Variants in MEGF6 observed in about 807,000 individuals in gnomAD.
MEGF6 encodes the protein multiple EGF like domains 6.
A neutral mutation model predicts 207.1 loss-of-function variants in MEGF6; 184 were observed. The observed-to-expected ratio is 0.89, with a 90% CI of 0.79 to 1.00. MEGF6 has a LOEUF of 1.00. MEGF6 is among the 50% of genes least tolerant of loss of function. The probability of loss-of-function intolerance (pLI) is 0.00; values close to 1 mark genes in which losing one functional copy is unlikely to be tolerated. For missense variants in MEGF6, 2,282 were observed against 2,202.9 expected, an observed-to-expected ratio of 1.04 and a Z score of -0.72; for synonymous variants, 1,038 against 910.0, an observed-to-expected ratio of 1.14 and a Z score of -2.53.
intron 18 of MEGF6, among the ~76,000 whole-genome samples, chr1:3,501,556 T>TA (rs1312841599): frequency 6.6e-6 from 1 of 151,850 alleles, no homozygotes; most frequent in Non-Finnish European, 1.5e-5. Context: ...CCGAGCCCGT[T>TA]AGAGATGGAG....
At chr1:3,602,243 T>G (rs558744530) in intron 2 of MEGF6, among the ~76,000 whole-genome samples, 1 of 152,130 alleles carries the variant, frequency 6.6e-6, no homozygotes, top group Non-Finnish European at 1.5e-5. Flanking sequence ...AGGACTCAGG[T>G]GCTCGGCTAA....
intron 4 of MEGF6, among the ~76,000 whole-genome samples, chr1:3,538,627 GC>G (rs1642404430): frequency 6.6e-6 from 1 of 152,046 alleles, no homozygotes; most frequent in African/African-American, 2.4e-5. Context: ...GACTCCCAGA[GC>G]AGCCCCCGAG....
intron 3 of MEGF6, among the ~76,000 whole-genome samples, chr1:3,592,532 G>A (rs1018688084): frequency 1.3e-5 from 2 of 152,062 alleles, no homozygotes; most frequent in African/African-American, 4.8e-5. Context: ...GCAAGCACCC[G>A]CTGCCAGGGT....
intron 4 of MEGF6, among the ~76,000 whole-genome samples, chr1:3,558,489 G>T (rs1453386210): frequency 1.3e-5 from 2 of 152,160 alleles, no homozygotes; most frequent in African/African-American, 4.8e-5. Flanking sequence ...GTCATAAGTT[G>T]TAAGGTTGTA....
intron 21 of MEGF6, 125 bp from the exon 22 acceptor site, chr1:3,500,049 C>A: frequency 7.3e-7 from 1 of 1,361,570 alleles, no homozygotes; most frequent in Non-Finnish European, 9.7e-7. Flanking sequence ...CCCCTTCCTG[C>A]CCAAGGGAGA....
intron 4 of MEGF6, among the ~76,000 whole-genome samples, chr1:3,554,391 C>G (rs1015916504): frequency 1.3e-5 from 2 of 151,970 alleles, no homozygotes; most frequent in African/African-American, 4.8e-5. Context: ...GGGAGGGGGA[C>G]GGCACTCCAG....
upstream of MEGF6, among the ~76,000 whole-genome samples, chr1:3,616,062 C>T (rs745442583): frequency 3.3e-5 from 5 of 152,166 alleles, no homozygotes; most frequent in Non-Finnish European, 5.9e-5. Context: ...GGAGAAATAA[C>T]GTAGGGAGAA....
chr1:3,492,485 C>G (rs970954793), intron 35 of MEGF6, among the ~76,000 whole-genome samples, 154 bp downstream of exon 35: 1 of 152,172 alleles, frequency 6.6e-6, no homozygotes, highest in African/African-American at 2.4e-5. Flanking sequence ...CTCTGGGTAC[C>G]GGGTGGGGAC....
rs1643037555 is a variant in MEGF6 at position 3,556,594 on chromosome 1, G to A, written c.481+23231C>T. Among the ~76,000 whole-genome samples, 1 of 152,140 alleles carries A rather than the reference G, an allele frequency of 6.6e-6. No homozygotes were observed. On this transcript the variant is annotated intron_variant, in intron 4 of 36. Coordinates refer to ENST00000356575, the MANE Select transcript of MEGF6 (RefSeq NM_001409.4). This position sits in a 1 kb window ranked among gnomAD's most constrained non-coding sequence, Gnocchi z 4.4. ...CAGCGGAACTACCTGCAAATGAGAGGACAGAGGACCCGGTGACTGCCTGAG... is the reference window on the plus strand; with the variant it reads ...CAGCGGAACTACCTGCAAATGAGAGAACAGAGGACCCGGTGACTGCCTGAG...
chr1:3,512,087 C>A lies in MEGF6; in HGVS notation c.895G>T (p.Gly299Cys). 1 of 1,612,152 alleles carries A rather than the reference C, an allele frequency of 6.2e-7. No homozygotes were observed. Reference sequence around the variant, plus strand: ...AAGGACCCCTGGGTGTTGAGGCAGCCATGGGCACACTGGGCCAGCCCTGCG... The same window carrying A: ...AAGGACCCCTGGGTGTTGAGGCAGCAATGGGCACACTGGGCCAGCCCTGCG... ...CAAGLAQCAHGCLNTQGSFKC... is the reference protein window; with the variant it reads ...CAAGLAQCAHCCLNTQGSFKC... Residue 299 changes from glycine (G) to cysteine (C), a missense_variant, in exon 8 of 37, where the codon GGC (glycine) becomes TGC (cysteine). Gly to Cys is a radical substitution (Grantham distance 159, BLOSUM62 -3). Transcript: ENST00000356575.
At position 3,556,105 on chromosome 1, in the gene MEGF6, C is replaced by T. The variant is rs1643024459; in HGVS notation, c.481+23720G>A. Among the ~76,000 whole-genome samples, 1 of 152,218 alleles carries T rather than the reference C, an allele frequency of 6.6e-6. No individual in the cohort carries two copies. The highest frequency in any genetic ancestry group is 1.5e-5 in the Non-Finnish European group (1 of 68,042). On this transcript the variant is annotated intron_variant, in intron 4 of 36. Coordinates refer to ENST00000356575, the MANE Select transcript of MEGF6 (RefSeq NM_001409.4). The surrounding 1 kb of genome is among the most constrained non-coding windows in gnomAD (Gnocchi z 4.4). ...GTTCAGAGACCTTGGGGGTGGGCTC[C>T]ACCTGTTACAGCAGGAGTGGCCTTC...
At chr1:3,523,180 AG>A (rs1378543773) in intron 5 of MEGF6, among the ~76,000 whole-genome samples, 1 of 152,064 alleles carries the variant, frequency 6.6e-6, no homozygotes, top group Non-Finnish European at 1.5e-5. Flanking sequence ...CCTCCAAGGC[AG>A]GAAGAAGGGG....
At chr1:3,580,026 C>A in intron 3 of MEGF6, 97 bp from the exon 4 acceptor site, 1 of 806,762 alleles carries the variant, frequency 1.2e-6, no homozygotes. Flanking sequence ...GCCCACCCAG[C>A]CTGCCAGGTC....
intron 18 of MEGF6, 95 bp downstream of exon 18, chr1:3,501,701 G>A: frequency 2.0e-6 from 3 of 1,474,352 alleles, no homozygotes; most frequent in Non-Finnish European, 2.7e-6. Flanking sequence ...ACGGGCCTGG[G>A]ATCCGCAGGG....
the MEGF6 span, among the ~76,000 whole-genome samples, chr1:3,622,194 C>G: frequency 2.6e-5 from 4 of 152,214 alleles, no homozygotes; most frequent in African/African-American, 9.6e-5. Flanking sequence ...AATCTCATCT[C>G]GAATTGTAAT....
intron 35 of MEGF6, among the ~76,000 whole-genome samples, chr1:3,491,402 C>T (rs1640358681): frequency 6.6e-6 from 1 of 152,128 alleles, no homozygotes; most frequent in African/African-American, 2.4e-5. Context: ...CCACTAGATG[C>T]CGCTGCCGGG....
rs781289202 is a variant in MEGF6 at position 3,499,276 on chromosome 1, G to A, written c.2966-10C>T. On this transcript the variant is annotated splice_polypyrimidine_tract_variant and intron_variant, in intron 23 of 36. Coordinates refer to ENST00000356575, the MANE Select transcript of MEGF6 (RefSeq NM_001409.4). ...GTGTGGGCTGGGCAGGCTGCAGGTG[G>A]AGAGGGCTGGTCAGAGCCAGGGGTG... 44 of 1,600,262 alleles carry A rather than the reference G, an allele frequency of 2.7e-5. No individual in the cohort carries two copies. The highest frequency in any genetic ancestry group is 3.4e-5 in the Admixed American group (2 of 58,710).
chr1:3,505,056 A>C, intron 17 of MEGF6, 152 bp downstream of exon 17: 1 of 1,111,240 alleles, frequency 9.0e-7, no homozygotes, highest in Non-Finnish European at 1.3e-6. Context: ...ACCGGTAGCA[A>C]GGCAACACCG....
chr1:3,514,973 C>T (rs1641490097), intron 6 of MEGF6, among the ~76,000 whole-genome samples: 1 of 152,204 alleles, frequency 6.6e-6, no homozygotes, highest in Non-Finnish European at 1.5e-5. Flanking sequence ...GGCGGCCCCC[C>T]AGCTCTGTGA....
Sources: allele counts gnomAD v4.1 joint callset (sites outside exome capture counted in the v4.1 genomes callset), GRCh38; gene constraint gnomAD v4.1.1; non-coding constraint Gnocchi (gnomAD v3.1); transcripts MANE v1.5; gene names NCBI Gene and HGNC (gene_info 2026-07-23, HGNC 2026-07-21).